Variants in SPRED2 observed in about 807,000 individuals in gnomAD.
The protein encoded by SPRED2 is sprouty-related, EVH1 domain-containing protein 2.
Under a neutral mutation model 43.0 loss-of-function variants are expected in SPRED2, and 47 were observed. That is an observed-to-expected ratio of 1.09 (90% CI 0.87 to 1.40). The LOEUF (loss-of-function observed/expected upper bound fraction) is 1.40. Ranked by LOEUF, SPRED2 falls within the 40% of genes most tolerant of loss-of-function variation. The pLI, the probability that SPRED2 is intolerant of heterozygous loss-of-function variation, is 0.00. For missense variants in SPRED2, 561 were observed against 586.4 expected, an observed-to-expected ratio of 0.96 and a Z score of 0.45; for synonymous variants, 225 against 225.7, an observed-to-expected ratio of 1.00 and a Z score of 0.03.
chr2:65,413,713 ATT>A (rs1393991411), intron 1 of SPRED2, among the ~76,000 whole-genome samples: 2 of 152,126 alleles, frequency 1.3e-5, no homozygotes, highest in Non-Finnish European at 1.5e-5. Context: ...AGCTCCCTTG[ATT>A]GGCATATTTT....
chr2:65,424,428 A>C (rs1293891583), intron 1 of SPRED2, among the ~76,000 whole-genome samples: 1 of 152,190 alleles, frequency 6.6e-6, no homozygotes, highest in Admixed American at 6.5e-5. Context: ...AAAGCCTACT[A>C]TGTGCTCAGT....
intron 4 of SPRED2, among the ~76,000 whole-genome samples, chr2:65,323,351 TAAC>T (rs954116345): frequency 6.6e-6 from 1 of 151,994 alleles, no homozygotes; most frequent in Non-Finnish European, 1.5e-5. Flanking sequence ...GAGTAGCAAA[TAAC>T]AAGCTCTGTG....
rs956940516 is a variant in SPRED2 at position 65,403,783 on chromosome 2, G to T, written c.26+28179C>A. 2.0e-5 allele frequency among the ~76,000 whole-genome samples: 3 copies of T among 152,298 alleles called. No individual in the cohort carries two copies. In the East Asian group the frequency reaches 5.8e-4, roughly 29 times the overall value. ...GACTCACATGCATATCAAAGCACTG[G>T]TCTGAAAGGCCTAGACCTCAGGTGC... On this transcript the variant is annotated intron_variant, in intron 1 of 5. Transcript: ENST00000356388.
At chr2:65,416,857 T>C (rs1312337850) in intron 1 of SPRED2, among the ~76,000 whole-genome samples, 1 of 152,226 alleles carries the variant, frequency 6.6e-6, no homozygotes, top group African/African-American at 2.4e-5. Context: ...TTGGCCATGA[T>C]ACTTACTAGC....
chr2:65,332,264 T>C (rs1673835792), intron 3 of SPRED2: 1 of 414,048 alleles, frequency 2.4e-6, no homozygotes, highest in Non-Finnish European at 4.5e-6. Context: ...TGCCTGCTGT[T>C]GTTCCCAATT....
chr2:65,311,234 T>C lies in SPRED2; in HGVS notation c.*2267A>G, dbSNP rs1673059923. On this transcript the variant is annotated 3_prime_UTR_variant, in exon 6 of 6. Transcript: ENST00000356388. Reference sequence around the variant, plus strand: ...AGCTGACTGGGAAAATACTACACACTGTTCAGCTGCAGTGTGGCAATTAGA... The same window carrying C: ...AGCTGACTGGGAAAATACTACACACCGTTCAGCTGCAGTGTGGCAATTAGA... 4.1e-6 allele frequency: 4 copies of C among 985,776 alleles called. No homozygotes were observed. The highest frequency in any genetic ancestry group is 1.7e-5 in the African/African-American group (1 of 57,246). The allele number at this position is 985,776 out of a possible 1,614,324, so 61.1% of individuals were successfully genotyped here.
chr2:65,341,505 G>A (rs1402180129), intron 2 of SPRED2, among the ~76,000 whole-genome samples: 2 of 152,244 alleles, frequency 1.3e-5, no homozygotes, highest in East Asian at 3.9e-4. Context: ...AGTGTGAAGG[G>A]ACAGGCTTTG....
intron 1 of SPRED2, among the ~76,000 whole-genome samples, chr2:65,417,080 C>T (rs138260255): frequency 8.5e-5 from 13 of 152,166 alleles, no homozygotes; most frequent in South Asian, 2.1e-4. Flanking sequence ...GTGCCAAAAC[C>T]GCCACCCTTC....
chr2:65,340,615 GGCTTGACTGTCCCCA>G (rs1479255586), intron 2 of SPRED2, among the ~76,000 whole-genome samples: 1 of 152,150 alleles, frequency 6.6e-6, no homozygotes, highest in Non-Finnish European at 1.5e-5. Flanking sequence ...TAATTTCTCA[GGCTTGACTGTCCCCA>G]GCTTACCAAA....
chr2:65,365,934 C>G (rs1674957380), intron 1 of SPRED2, among the ~76,000 whole-genome samples: 1 of 152,250 alleles, frequency 6.6e-6, no homozygotes, highest in Admixed American at 6.5e-5. Context: ...CATGTGAACG[C>G]TATAATTAAA....
intron 1 of SPRED2, among the ~76,000 whole-genome samples, chr2:65,388,681 G>C (rs1027032310): frequency 1.3e-5 from 2 of 152,008 alleles, no homozygotes; most frequent in Non-Finnish European, 1.5e-5. Flanking sequence ...CAGGAGGGGG[G>C]TGGTGAAAAG....
At position 65,432,371 on chromosome 2, in the gene SPRED2, G is replaced by C. The variant is rs1265091394; in HGVS notation, c.-384C>G. Among the ~76,000 whole-genome samples, 1 of 151,902 alleles carries C rather than the reference G, an allele frequency of 6.6e-6. No individual in the cohort carries two copies. Among genetic ancestry groups the C allele is most frequent in the East Asian group, 1.9e-4 (1 of 5,138 alleles). On this transcript the variant is annotated 5_prime_UTR_variant, in exon 1 of 6. Transcript: ENST00000356388. ...AGGAGGAGAGCGCCGGCCGCGGGTG[G>C]GGGGGCTCAGTCCGGGGTCGCCCCC... is the stretch of plus-strand genomic sequence containing the variant.
At chr2:65,403,962 T>C (rs1348624831) in intron 1 of SPRED2, among the ~76,000 whole-genome samples, 3 of 152,124 alleles carry the variant, frequency 2.0e-5, no homozygotes, top group Non-Finnish European at 4.4e-5. Flanking sequence ...CCCAGTACTT[T>C]GGGAGGCCGA....
At chr2:65,329,180 G>A (rs1268582050) in intron 4 of SPRED2, among the ~76,000 whole-genome samples, 1 of 152,134 alleles carries the variant, frequency 6.6e-6, no homozygotes, top group Non-Finnish European at 1.5e-5. Context: ...GTAAGTTTTA[G>A]AACACAACCC....
intron 1 of SPRED2, among the ~76,000 whole-genome samples, chr2:65,386,141 T>C (rs1159924733): frequency 6.6e-6 from 1 of 151,838 alleles, no homozygotes; most frequent in Non-Finnish European, 1.5e-5. Flanking sequence ...AAAAATTAGC[T>C]GGGCGTGGTA....
intron 3 of SPRED2, among the ~76,000 whole-genome samples, chr2:65,333,371 G>C (rs550956529): frequency 6.6e-6 from 1 of 151,988 alleles, no homozygotes; most frequent in Non-Finnish European, 1.5e-5. Context: ...GAGACTGCAG[G>C]AGAAAAAACA....
At chr2:65,307,517 CAT>C (rs1672965381), downstream of SPRED2, among the ~76,000 whole-genome samples, 4 of 131,760 alleles carry the variant, frequency 3.0e-5, no homozygotes, top group Admixed American at 2.5e-4. Context: ...TTAATAACTA[CAT>C]ATGTTACTTC....
At position 65,313,935 on chromosome 2, in the gene SPRED2, CAA is replaced by C; in HGVS notation, c.821_822del (p.Phe274TrpfsTer96). ...YNYPYVDSSDFGLGEDPKGRG... is the reference protein window; with the variant it reads ...YNYPYVDSSDXGLGEDPKGRG... Reference sequence around the variant, plus strand: ...CGGCCTTTGGGGTCCTCGCCTAGGCCAAAGTCTGAGGAGTCCACGTAGGGGTA... The same window carrying C: ...CGGCCTTTGGGGTCCTCGCCTAGGCCAGTCTGAGGAGTCCACGTAGGGGTA... On this transcript the variant is annotated frameshift_variant, in exon 6 of 6. Coordinates refer to ENST00000356388, the MANE Select transcript of SPRED2 (RefSeq NM_181784.3). LOFTEE classifies it high-confidence loss of function. 1 of 1,611,586 alleles carries C rather than the reference CAA, an allele frequency of 6.2e-7. No homozygotes were observed. Among genetic ancestry groups the C allele is most frequent in the Non-Finnish European group, 8.5e-7 (1 of 1,179,994 alleles).
Position 65,375,095 on chromosome 2 carries a change from G to A in SPRED2, c.27-30199C>T, listed in dbSNP as rs111480140. Among the ~76,000 whole-genome samples the A allele has an allele frequency of 3.9e-3, 591 of 152,308 alleles. 1 individual carries two copies. Among genetic ancestry groups the A allele is most frequent in the African/African-American group, 0.013 (553 of 41,572 alleles). ...GCCTGAGAACATTTAGAGAGTAGAG[G>A]CCCTTCCTCTGAAGAACACATACCC... On this transcript the variant is annotated intron_variant, in intron 1 of 5. Transcript: ENST00000356388.
Sources: gnomAD v4.1 joint callset for allele counts (sites outside exome capture counted in the v4.1 genomes callset) on GRCh38, gnomAD v4.1.1 for gene constraint, MANE v1.5 for transcripts, NCBI Gene and HGNC (gene_info 2026-07-23, HGNC 2026-07-21) for gene names.